Variants in ICA1 observed in about 807,000 individuals in gnomAD.
ICA1 encodes islet cell autoantigen 1.
ICA1 carries 40 observed loss-of-function variants against 71.0 expected under a neutral mutation model. That is an observed-to-expected ratio of 0.56 (90% CI 0.44 to 0.73). The LOEUF (loss-of-function observed/expected upper bound fraction) is 0.73, where lower values mean the gene tolerates loss of function less well. Among genes scored for constraint, ICA1 ranks in the 30% least tolerant of loss-of-function variants. The probability of loss-of-function intolerance (pLI) is 0.00; values close to 1 mark genes in which losing one functional copy is unlikely to be tolerated. For synonymous variants in ICA1, 207 were observed against 209.5 expected, an observed-to-expected ratio of 0.99 and a Z score of 0.10; for missense variants, 578 against 576.5, an observed-to-expected ratio of 1.00 and a Z score of -0.03.
At chr7:8,120,891 G>T (rs1786654466) in intron 13 of ICA1, among the ~76,000 whole-genome samples, 1 of 152,332 alleles carries the variant, frequency 6.6e-6, no homozygotes, top group Admixed American at 6.5e-5. Flanking sequence ...CCGAAGCCCG[G>T]GGCTGGGAGG....
chr7:8,258,539 T>A (rs762904230), intron 1 of ICA1, among the ~76,000 whole-genome samples: 9 of 152,118 alleles, frequency 5.9e-5, no homozygotes, highest in Admixed American at 6.5e-5. Context: ...CATCACGGAG[T>A]ATCCTCGCAA....
intron 6 of ICA1, among the ~76,000 whole-genome samples, chr7:8,210,292 G>GATCA (rs1793210398): frequency 6.6e-6 from 1 of 152,192 alleles, no homozygotes. Context: ...AGCAGCTGAG[G>GATCA]ATCAGCCTCT....
At position 8,232,695 on chromosome 7, in the gene ICA1, C is replaced by T. The variant is rs1203083746; in HGVS notation, c.78G>A (p.Met26Ile). Residue 26 changes from methionine (M) to isoleucine (I), a missense_variant, in exon 3 of 14, where the codon ATG (methionine) becomes ATA (isoleucine). Met to Ile is a conservative substitution (Grantham distance 10). Coordinates refer to ENST00000402384, the MANE Select transcript of ICA1 (RefSeq NM_001136020.3). ...GCTTCGTCTCCCAATATTTCTGTTG[C>T]ATCTTATTTACAACTGACTTATCTT... ...YAQDKSVVNK[M>I]QQKYWETKQA... 1.2e-6 allele frequency: 2 copies of T among 1,612,518 alleles called. No homozygotes were observed. Among genetic ancestry groups the T allele is most frequent in the Non-Finnish European group, 1.7e-6 (2 of 1,179,246 alleles).
At chr7:8,218,702 C>T (rs1796143840) in intron 5 of ICA1, 199 bp from the exon 6 acceptor site, 2 of 598,834 alleles carry the variant, frequency 3.3e-6, no homozygotes, top group Middle Eastern at 3.8e-4. Context: ...ATCCATGTAC[C>T]CATCCCTTAG....
intron 13 of ICA1, among the ~76,000 whole-genome samples, chr7:8,120,882 C>T (rs1786649096): frequency 6.6e-6 from 1 of 152,168 alleles, no homozygotes; most frequent in African/African-American, 2.4e-5. Flanking sequence ...CGGGGAGAGC[C>T]GAAGCCCGGG....
intron 12 of ICA1, among the ~76,000 whole-genome samples, chr7:8,129,450 T>A (rs2128076031): frequency 6.6e-6 from 1 of 152,006 alleles, no homozygotes; most frequent in South Asian, 2.1e-4. Flanking sequence ...GATCTAAAGA[T>A]GAAGGGGATT....
chr7:8,119,221 G>A (rs59391905), intron 13 of ICA1, among the ~76,000 whole-genome samples: 21,264 of 152,078 alleles, frequency 0.14, 1,678 homozygotes, highest in East Asian at 0.3. Flanking sequence ...AGGGCCAGGA[G>A]CTTCCAGAGA....
intron 6 of ICA1, among the ~76,000 whole-genome samples, chr7:8,195,939 C>A (rs1051236941): frequency 1.3e-5 from 2 of 152,288 alleles, no homozygotes; most frequent in African/African-American, 4.8e-5. Flanking sequence ...GATCGTGCCA[C>A]TGCACTCCAG....
intron 10 of ICA1, among the ~76,000 whole-genome samples, chr7:8,140,648 T>A (rs1392614846): frequency 6.6e-6 from 1 of 152,240 alleles, no homozygotes; most frequent in Admixed American, 6.5e-5. Flanking sequence ...CCCAGCGCCA[T>A]GCCTGGCACA....
chr7:8,237,833 C>CACACACAA (rs1554373620), intron 1 of ICA1, among the ~76,000 whole-genome samples: 3 of 151,372 alleles, frequency 2.0e-5, no homozygotes, highest in Non-Finnish European at 2.9e-5. Flanking sequence ...CACACACACA[C>CACACACAA]ACACACACAC....
rs1230977667 is a variant in ICA1 at position 8,190,937 on chromosome 7, AG to A, written c.579+27367del. On this transcript the variant is annotated intron_variant, in intron 6 of 13. Transcript: ENST00000402384. ...AAACATTCTGGAAAGTTAAACATTT[AG>A]CTTCTAAATTTTTACTGCCCTGGAA... Among the ~76,000 whole-genome samples the A allele has an allele frequency of 9.2e-5, 14 of 152,338 alleles. No homozygotes were observed. In the South Asian group the frequency reaches 1.7e-3, roughly 18 times the overall value.
At chr7:8,189,205 A>G (rs185997010) in intron 6 of ICA1, among the ~76,000 whole-genome samples, 186 of 152,302 alleles carry the variant, frequency 1.2e-3, no homozygotes, top group African/African-American at 4.1e-3. Context: ...TATTCCCACC[A>G]AGCCCAGAGC....
At position 8,223,335 on chromosome 7, in the gene ICA1, A is replaced by C. The variant is rs1432287597; in HGVS notation, c.257-1937T>G. On this transcript the variant is annotated intron_variant, in intron 4 of 13. Transcript: ENST00000402384. This position sits in a 1 kb window ranked among gnomAD's most constrained non-coding sequence, Gnocchi z 4.1. ...CAATTTGTGGTACCTGAATAATTAC[A>C]TGGTTGACAAAATGTACTCTTTCCT... 2.6e-5 allele frequency among the ~76,000 whole-genome samples: 4 copies of C among 152,222 alleles called. No homozygotes were observed. Among genetic ancestry groups the C allele is most frequent in the African/African-American group, 9.6e-5 (4 of 41,456 alleles).
rs145228829 is a variant in ICA1, at chr7:8,167,503, G to A, written c.580-8851C>T. Among the ~76,000 whole-genome samples, 944 of 152,054 alleles carry A rather than the reference G, an allele frequency of 6.2e-3. 4 individuals are homozygous for A. Among genetic ancestry groups the A allele is most frequent in the Admixed American group, 0.01 (160 of 15,254 alleles). ...AGGTGGAGGGTGGGAAGAGGGTGAG[G>A]ATAAAAAAACTGCCTATCAGCTACT... is the stretch of plus-strand genomic sequence containing the variant. On this transcript the variant is annotated intron_variant, in intron 6 of 13. Transcript: ENST00000402384.
intron 1 of ICA1, among the ~76,000 whole-genome samples, chr7:8,259,789 T>C (rs943723565): frequency 1.7e-4 from 26 of 152,308 alleles, no homozygotes; most frequent in Admixed American, 1.5e-3. Flanking sequence ...GAGTGTTAGA[T>C]ATGATTGTGA....
chr7:8,222,540 C>T lies in ICA1; in HGVS notation c.257-1142G>A, dbSNP rs1426001283. 6.6e-6 allele frequency among the ~76,000 whole-genome samples: 1 copy of T among 152,178 alleles called. No homozygotes were observed. The highest frequency in any genetic ancestry group is 1.5e-5 in the Non-Finnish European group (1 of 68,040). On this transcript the variant is annotated intron_variant, in intron 4 of 13. Coordinates refer to ENST00000402384, the MANE Select transcript of ICA1 (RefSeq NM_001136020.3). The surrounding 1 kb of genome is among the most constrained non-coding windows in gnomAD (Gnocchi z 4.8). ...CACCCCCATTCCTGACATAATCTCA[C>T]TAACAATAATTGTAGGACATTAGGC...
At chr7:8,138,605 C>T (rs1013313121) in intron 12 of ICA1, among the ~76,000 whole-genome samples, 1 of 152,174 alleles carries the variant, frequency 6.6e-6, no homozygotes, top group African/African-American at 2.4e-5. Flanking sequence ...CATGACATAA[C>T]TTTTAGCTAT....
chr7:8,156,574 G>T, intron 8 of ICA1: 1 of 298,548 alleles, frequency 3.3e-6, no homozygotes, highest in Non-Finnish European at 6.1e-6. Flanking sequence ...AAAAATCATT[G>T]AGTTTAATAC....
Position 8,260,544 on chromosome 7 carries a change from T to C in ICA1, c.-80+1550A>G, listed in dbSNP as rs3807805. On this transcript the variant is annotated intron_variant, in intron 1 of 13. Coordinates refer to ENST00000402384, the MANE Select transcript of ICA1 (RefSeq NM_001136020.3). ...AACTGTTACGTTTTCTAAAGATTCA[T>C]CTTTATAAACAGTACAATTATTTCC... Among the ~76,000 whole-genome samples, 54 of 152,332 alleles carry C rather than the reference T, an allele frequency of 3.5e-4. No individual in the cohort carries two copies. The East Asian group carries it at 8.7e-3, about 24-fold the overall frequency.
Sources: allele counts gnomAD v4.1 joint callset (sites outside exome capture counted in the v4.1 genomes callset), GRCh38; gene constraint gnomAD v4.1.1; non-coding constraint Gnocchi (gnomAD v3.1); transcripts MANE v1.5; gene names NCBI Gene and HGNC (gene_info 2026-07-23, HGNC 2026-07-21).